Variants in MTRF1 observed in about 807,000 individuals in gnomAD.
MTRF1 encodes peptide chain release factor 1, mitochondrial.
A neutral mutation model predicts 62.9 loss-of-function variants in MTRF1; 51 were observed. The observed-to-expected ratio is 0.81, with a 90% CI of 0.65 to 1.02. The LOEUF (loss-of-function observed/expected upper bound fraction) is 1.02, where lower values mean the gene tolerates loss of function less well. MTRF1 is among the 50% of genes least tolerant of loss of function. MTRF1 has a pLI of 0.00. For synonymous variants in MTRF1, 158 were observed against 181.9 expected (o/e 0.87, Z 1.06); for missense variants, 446 against 530.0 (o/e 0.84, Z 1.56).
At chr13:41,310,957 G>T in the MTRF1 span, among the ~76,000 whole-genome samples, 3 of 152,202 alleles carry the variant, frequency 2.0e-5, no homozygotes, top group East Asian at 5.8e-4. Context: ...GAAAATTCTC[G>T]TTTTTATTTA....
chr13:41,254,500 T>C (rs778486790), intron 3 of MTRF1, 29 bp downstream of exon 3: 37 of 1,549,220 alleles, frequency 2.4e-5, no homozygotes, highest in Admixed American at 6.7e-5. Context: ...TACAGCACTA[T>C]TGAAACTAGT....
At chr13:41,222,783 C>T (rs1297008152) in intron 9 of MTRF1, among the ~76,000 whole-genome samples, 1 of 152,306 alleles carries the variant, frequency 6.6e-6, no homozygotes. Flanking sequence ...TGGAAGAGGA[C>T]CCCAAGCTCC....
chr13:41,296,830 T>C, the MTRF1 span, among the ~76,000 whole-genome samples: 1 of 152,216 alleles, frequency 6.6e-6, no homozygotes, highest in Non-Finnish European at 1.5e-5. Flanking sequence ...TTGCATCTAC[T>C]AGATATTTTA....
the MTRF1 span, among the ~76,000 whole-genome samples, chr13:41,272,095 C>G: frequency 6.6e-6 from 1 of 152,140 alleles, no homozygotes; most frequent in Non-Finnish European, 1.5e-5. Flanking sequence ...ATCTCTGGTA[C>G]CCCCAAAACC....
At chr13:41,263,462 G>T in intron 1 of MTRF1, 23 bp downstream of exon 1, 2 of 353,804 alleles carry the variant, frequency 5.7e-6, no homozygotes, top group Non-Finnish European at 5.6e-6. Flanking sequence ...CGGCGGGGAA[G>T]ATCAGGAAAG....
In MTRF1 at chr13:41,260,781, T is replaced by C; in HGVS notation, c.127A>G (p.Arg43Gly). The change falls in exon 2 of 10, where the codon AGA (arginine) becomes GGA (glycine). Residue 43 changes from arginine to glycine, a missense_variant. Arg to Gly is a moderately radical substitution (Grantham distance 125, BLOSUM62 -2). Transcript: ENST00000379480. ...TGAAGAATGCAATTCCTGTTTTGTC[T>C]AAAAACTTGCAGCCTTGTATCAAGA... is the stretch of plus-strand genomic sequence containing the variant. ...IHLDTRLQVFRQNRNCILHLL... is the reference protein window; with the variant it reads ...IHLDTRLQVFGQNRNCILHLL... 6.2e-7 allele frequency: 1 copy of C among 1,614,220 alleles called. No individual in the cohort carries two copies. Among genetic ancestry groups the C allele is most frequent in the South Asian group, 1.1e-5 (1 of 91,086 alleles).
At chr13:41,306,936 T>TG in the MTRF1 span, among the ~76,000 whole-genome samples, 1 of 152,234 alleles carries the variant, frequency 6.6e-6, no homozygotes, top group Non-Finnish European at 1.5e-5. Flanking sequence ...CACATTATCA[T>TG]GTTATTATAA....
At chr13:41,268,783 G>A in the MTRF1 span, among the ~76,000 whole-genome samples, 1 of 152,058 alleles carries the variant, frequency 6.6e-6, no homozygotes, top group Non-Finnish European at 1.5e-5. Flanking sequence ...GTAATTTATT[G>A]AGTAAATCAA....
chr13:41,267,564 TC>T (rs1320107170), upstream of MTRF1, among the ~76,000 whole-genome samples: 1 of 152,208 alleles, frequency 6.6e-6, no homozygotes, highest in Non-Finnish European at 1.5e-5. Flanking sequence ...TAAAAACTTT[TC>T]TAAAGTAAAA....
chr13:41,264,251 A>G (rs1055346958), upstream of MTRF1, among the ~76,000 whole-genome samples: 1 of 152,188 alleles, frequency 6.6e-6, no homozygotes. Context: ...AAAAGTTAGG[A>G]GACCGTGTAT....
the MTRF1 span, among the ~76,000 whole-genome samples, chr13:41,284,941 C>A: frequency 6.6e-6 from 1 of 152,198 alleles, no homozygotes; most frequent in Non-Finnish European, 1.5e-5. Flanking sequence ...GCATGAGCCA[C>A]TGTGCCCGGC....
intron 6 of MTRF1, chr13:41,236,282 C>T (rs1230964987): frequency 1.3e-5 from 2 of 151,980 alleles, no homozygotes; most frequent in Non-Finnish European, 2.9e-5. Flanking sequence ...CTACCAGCTA[C>T]TTTTTGTATT....
the MTRF1 span, among the ~76,000 whole-genome samples, chr13:41,308,754 A>G: frequency 6.6e-6 from 1 of 152,076 alleles, no homozygotes. Context: ...CAAGGGGTAA[A>G]TGTTCAGGTT....
the MTRF1 span, among the ~76,000 whole-genome samples, chr13:41,277,929 TG>T: frequency 6.6e-6 from 1 of 152,254 alleles, no homozygotes; most frequent in Non-Finnish European, 1.5e-5. Flanking sequence ...GACAGGACAC[TG>T]GGTCAAAGAC....
At chr13:41,253,233 T>C (rs562294710) in intron 3 of MTRF1, among the ~76,000 whole-genome samples, 8 of 152,360 alleles carry the variant, frequency 5.3e-5, no homozygotes, top group African/African-American at 1.9e-4. Context: ...ATGGAGTTAC[T>C]TGTCAGTATA....
At chr13:41,286,293 T>A in the MTRF1 span, among the ~76,000 whole-genome samples, 1 of 152,148 alleles carries the variant, frequency 6.6e-6, no homozygotes, top group Non-Finnish European at 1.5e-5. Context: ...AAAAGGATCT[T>A]TTCAGCCTGT....
At chr13:41,243,404 CAAAA>C (rs371273057) in intron 5 of MTRF1, among the ~76,000 whole-genome samples, 4 of 76,502 alleles carry the variant, frequency 5.2e-5, no homozygotes, top group African/African-American at 5.5e-5. Context: ...GACCCTGTCT[CAAAA>C]AAAAAAAAAA....
At chr13:41,279,073 C>A in the MTRF1 span, among the ~76,000 whole-genome samples, 1 of 152,204 alleles carries the variant, frequency 6.6e-6, no homozygotes, top group Non-Finnish European at 1.5e-5. Flanking sequence ...ACTGCAACCT[C>A]TTTCTCCCGG....
chr13:41,243,146 G>C (rs1335527486), intron 5 of MTRF1, among the ~76,000 whole-genome samples: 3 of 152,124 alleles, frequency 2.0e-5, no homozygotes, highest in Non-Finnish European at 4.4e-5. Context: ...TTGAACCTGA[G>C]AGGCGGAGGT....
Sources: allele counts gnomAD v4.1 joint callset (sites outside exome capture counted in the v4.1 genomes callset), GRCh38; gene constraint gnomAD v4.1.1; transcripts MANE v1.5; gene names NCBI Gene and HGNC (gene_info 2026-07-23, HGNC 2026-07-21).